Variants in FBRSL1 observed in about 807,000 individuals in gnomAD.
The protein encoded by FBRSL1 is fibrosin like 1.
A neutral mutation model predicts 89.6 loss-of-function variants in FBRSL1; 51 were observed. The ratio of observed to expected loss-of-function variants is 0.57; its 90% confidence interval spans 0.45 to 0.72. FBRSL1 has a LOEUF of 0.72. Ranked by LOEUF, FBRSL1 falls within the 30% of genes least tolerant of loss-of-function variation. FBRSL1 has a pLI of 0.00. For missense variants in FBRSL1, 1,618 were observed against 1,451.8 expected, an observed-to-expected ratio of 1.11 and a Z score of -1.86; for synonymous variants, 779 against 681.1, an observed-to-expected ratio of 1.14 and a Z score of -2.24.
chr12:132,493,559 C>T (rs1307500469), intron 1 of FBRSL1, among the ~76,000 whole-genome samples: 2 of 152,200 alleles, frequency 1.3e-5, no homozygotes, highest in African/African-American at 4.8e-5. Flanking sequence ...CCAGGCAGAC[C>T]ACCCTCTCCG....
intron 1 of FBRSL1, among the ~76,000 whole-genome samples, chr12:132,505,203 T>C (rs1205710784): frequency 6.6e-6 from 1 of 152,168 alleles, no homozygotes; most frequent in Non-Finnish European, 1.5e-5. Flanking sequence ...GTGAACACGA[T>C]GAAGTGGGTG....
At position 132,499,012 on chromosome 12, in the gene FBRSL1, G is replaced by C. The variant is rs977209782; in HGVS notation, c.291+8151G>C. Among the ~76,000 whole-genome samples, 1 of 152,238 alleles carries C rather than the reference G, an allele frequency of 6.6e-6. No individual in the cohort carries two copies. Among genetic ancestry groups the C allele is most frequent in the Non-Finnish European group, 1.5e-5 (1 of 68,034 alleles). ...GGCAGGCTGGGCCCCTTCTGCCTGT[G>C]TATGTGACCAAGGGTACCTGCCACC... On this transcript the variant is annotated intron_variant, in intron 1 of 18. Transcript: ENST00000680143. This position sits in a 1 kb window ranked among gnomAD's most constrained non-coding sequence, Gnocchi z 4.3.
intron 1 of FBRSL1, among the ~76,000 whole-genome samples, chr12:132,491,251 A>G (rs1224353517): frequency 6.6e-6 from 1 of 152,086 alleles, no homozygotes; most frequent in Non-Finnish European, 1.5e-5. Flanking sequence ...GATAAAATGG[A>G]TACTCCGCGG....
intron 1 of FBRSL1, among the ~76,000 whole-genome samples, chr12:132,503,692 C>T (rs899913280): frequency 2.0e-5 from 3 of 152,204 alleles, no homozygotes; most frequent in African/African-American, 7.2e-5. Context: ...CCACAGGTCC[C>T]GGGTATGGGA....
In FBRSL1 at chr12:132,499,884, C is replaced by A. The variant is rs886141269; in HGVS notation, c.292-8269C>A. ...CTGAGCCCCAGCTCCGTTGGCGCAG[C>A]AGAGCTGTGCTGATCTGGTTTGTGA... On this transcript the variant is annotated intron_variant, in intron 1 of 18. Transcript: ENST00000680143. The surrounding 1 kb of genome is among the most constrained non-coding windows in gnomAD (Gnocchi z 4.3). Among the ~76,000 whole-genome samples the A allele has an allele frequency of 2.0e-5, 3 of 152,138 alleles. No homozygotes were observed. Among genetic ancestry groups the A allele is most frequent in the Admixed American group, 2.0e-4 (3 of 15,280 alleles).
At chr12:132,535,245 C>T (rs1191327407) in intron 4 of FBRSL1, among the ~76,000 whole-genome samples, 1 of 152,208 alleles carries the variant, frequency 6.6e-6, no homozygotes, top group Non-Finnish European at 1.5e-5. Flanking sequence ...CGGTCGGCTC[C>T]AAGAAAGGTC....
chr12:132,581,817 T>C lies in FBRSL1; in HGVS notation c.1989T>C (p.His663=), dbSNP rs536547372. The change falls in exon 17 of 19, where the codon CAT becomes CAC. Residue 663 remains histidine, a synonymous_variant. Coordinates refer to ENST00000680143, the MANE Select transcript of FBRSL1 (RefSeq NM_001367871.1). ...ACGCCTTTGGGGGCCTGGGCAGCCA[T>C]GCACTGGGTGAGTGACCCAGCCTGT... ...SSHAFGGLGS[H]ALAPGGSIFA... 4.7e-5 allele frequency: 73 copies of C among 1,546,190 alleles called. No individual in the cohort carries two copies. Among genetic ancestry groups the C allele is most frequent in the African/African-American group, 8.2e-5 (6 of 73,076 alleles).
At chr12:132,500,541 G>C (rs2032797857) in intron 1 of FBRSL1, among the ~76,000 whole-genome samples, 3 of 152,130 alleles carry the variant, frequency 2.0e-5, no homozygotes, top group African/African-American at 7.2e-5. Context: ...CCTCCGGGGA[G>C]TCCTGGCCCT....
intron 2 of FBRSL1, among the ~76,000 whole-genome samples, chr12:132,517,142 A>C (rs1296651937): frequency 2.6e-5 from 4 of 152,208 alleles, no homozygotes; most frequent in Admixed American, 2.6e-4. Context: ...TGCCTTAGAC[A>C]CTGGGCCTGG....
Position 132,499,232 on chromosome 12 carries a change from G to A in FBRSL1, c.291+8371G>A, listed in dbSNP as rs956798965. 6.6e-6 allele frequency among the ~76,000 whole-genome samples: 1 copy of A among 152,158 alleles called. No individual in the cohort carries two copies. The highest frequency in any genetic ancestry group is 2.4e-5 in the African/African-American group (1 of 41,424). On this transcript the variant is annotated intron_variant, in intron 1 of 18. Coordinates refer to ENST00000680143, the MANE Select transcript of FBRSL1 (RefSeq NM_001367871.1). The surrounding 1 kb of genome is among the most constrained non-coding windows in gnomAD (Gnocchi z 4.3). The stretch of plus-strand genomic sequence containing the variant: ...GGCAGGGATGGTGCCGGGCAGGGGT[G>A]GTGCCGGGCAGGGGTGGTGCTGGAC...
In FBRSL1 at chr12:132,576,924, C is replaced by A. The variant is rs1217560926; in HGVS notation, c.1827C>A (p.Pro609=). Residue 609 remains proline (P), a synonymous_variant, in exon 15 of 19, where the codon CCC becomes CCA. Transcript: ENST00000680143. ...AGGACCTGGCCCGGCCCCTCTTCCC[C>A]AGCACAGGTGAGACTGGAGTCGGGC... is the stretch of plus-strand genomic sequence containing the variant. ...YPQDLARPLF[P]STGAAHPASN... is the part of the protein sequence containing the mutation. 1.9e-6 allele frequency: 3 copies of A among 1,549,852 alleles called. No homozygotes were observed. The highest frequency in any genetic ancestry group is 2.6e-6 in the Non-Finnish European group (3 of 1,146,484).
chr12:132,499,129 G>A lies in FBRSL1; in HGVS notation c.291+8268G>A, dbSNP rs552267060. 1.2e-3 allele frequency among the ~76,000 whole-genome samples: 179 copies of A among 152,344 alleles called. No homozygotes were observed. The Middle Eastern group carries it at 0.017, about 14-fold the overall frequency. On this transcript the variant is annotated intron_variant, in intron 1 of 18. Coordinates refer to ENST00000680143, the MANE Select transcript of FBRSL1 (RefSeq NM_001367871.1). The surrounding 1 kb of genome is among the most constrained non-coding windows in gnomAD (Gnocchi z 4.3). ...GGACTGGTGGGCCTCATCCGGCCTC[G>A]GCAGCCGCCCCGCCCATTCCAGATC...
At chr12:132,509,491 C>G (rs1035056825) in intron 2 of FBRSL1, 2 of 1,238,174 alleles carry the variant, frequency 1.6e-6, no homozygotes, top group Non-Finnish European at 2.0e-6. Context: ...CGGTCACGCC[C>G]GGCCCAGCCC....
At chr12:132,568,978 T>G (rs4883550) in intron 6 of FBRSL1, among the ~76,000 whole-genome samples, 38,346 of 151,772 alleles carry the variant, frequency 0.25, 5,216 homozygotes, top group South Asian at 0.32. Flanking sequence ...GGGCCATGGC[T>G]CACTGTCCCA....
In FBRSL1 at chr12:132,490,806, A is replaced by T. The variant is rs934511092; in HGVS notation, c.236A>T (p.Glu79Val). Residue 79 changes from glutamate (E) to valine (V), a missense_variant, in exon 1 of 19, where the codon GAG becomes GTG. Glu to Val is a moderately radical substitution (Grantham distance 121). Transcript: ENST00000680143. ...RRRRESSSQEEEVIDGFAIAS... is the reference protein window; with the variant it reads ...RRRRESSSQEVEVIDGFAIAS... Reference sequence around the variant, plus strand: ...CGCCGCGAGTCCAGCTCGCAGGAGGAGGAGGTCATCGACGGCTTCGCCATC... The same window carrying T: ...CGCCGCGAGTCCAGCTCGCAGGAGGTGGAGGTCATCGACGGCTTCGCCATC... 4 of 1,385,652 alleles carry T rather than the reference A, an allele frequency of 2.9e-6. No individual in the cohort carries two copies. Among genetic ancestry groups the T allele is most frequent in the Non-Finnish European group, 3.8e-6 (4 of 1,064,260 alleles). 85.8% of individuals were successfully genotyped at this position (1,385,652 alleles called of 1,614,324 possible).
At chr12:132,512,071 A>AC in intron 2 of FBRSL1, 3 of 937,092 alleles carry the variant, frequency 3.2e-6, no homozygotes, top group Non-Finnish European at 2.5e-6. Context: ...CAGAGGGGAG[A>AC]CCTGGAGCAT....
chr12:132,495,114 C>T (rs1045179315), intron 1 of FBRSL1, among the ~76,000 whole-genome samples: 1 of 152,180 alleles, frequency 6.6e-6, no homozygotes, highest in Non-Finnish European at 1.5e-5. Context: ...AGACACGGCC[C>T]GTCGTGGGGA....
Position 132,584,189 on chromosome 12 carries a change from G to T in FBRSL1, c.*411G>T, listed in dbSNP as rs984322415. On this transcript the variant is annotated 3_prime_UTR_variant, in exon 19 of 19. Transcript: ENST00000680143. ...TTTGTCTTATTTATGGAGAAAAACC[G>T]GTCACTTTGTCCAGCGCACTGTGAG... 2 of 152,230 alleles carry T rather than the reference G, an allele frequency of 1.3e-5. No individual in the cohort carries two copies. The highest frequency in any genetic ancestry group is 4.8e-5 in the African/African-American group (2 of 41,418). The allele number at this position is 152,230 out of a possible 1,614,324, so 9.4% of individuals were successfully genotyped here.
chr12:132,577,132 C>G (rs1205121121), intron 15 of FBRSL1, among the ~76,000 whole-genome samples: 1 of 152,048 alleles, frequency 6.6e-6, no homozygotes, highest in Non-Finnish European at 1.5e-5. Context: ...CTCCTCACCT[C>G]TCCTCTCCTG....
Sources: allele counts gnomAD v4.1 joint callset (sites outside exome capture counted in the v4.1 genomes callset), GRCh38; gene constraint gnomAD v4.1.1; non-coding constraint Gnocchi (gnomAD v3.1); transcripts MANE v1.5; gene names NCBI Gene and HGNC (gene_info 2026-07-23, HGNC 2026-07-21).